Variants in AKAP11 observed in about 807,000 individuals in gnomAD.
AKAP11 encodes the protein A-kinase anchoring protein 11.
Under a neutral mutation model 146.1 loss-of-function variants are expected in AKAP11, and 36 were observed. That is an observed-to-expected ratio of 0.25 (90% CI 0.19 to 0.33). The LOEUF (loss-of-function observed/expected upper bound fraction) is 0.33, where lower values mean the gene tolerates loss of function less well. AKAP11 is among the 10% of genes least tolerant of loss of function. The pLI, the probability that AKAP11 is intolerant of heterozygous loss-of-function variation, is 1.00. For synonymous variants in AKAP11, 780 were observed against 786.5 expected (o/e 0.99, Z 0.14); for missense variants, 2,201 against 2,197.0 (o/e 1.00, Z -0.04).
At chr13:42,293,674 A>G (rs1959328744) in intron 4 of AKAP11, among the ~76,000 whole-genome samples, 1 of 152,136 alleles carries the variant, frequency 6.6e-6, no homozygotes, top group South Asian at 2.1e-4. Context: ...TCCAGCTCGG[A>G]TAGGTCGCAG....
At chr13:42,274,412 G>C (rs1320710343) in intron 1 of AKAP11, among the ~76,000 whole-genome samples, 1 of 152,186 alleles carries the variant, frequency 6.6e-6, no homozygotes, top group Non-Finnish European at 1.5e-5. Context: ...GGCCAGGCTT[G>C]GTGCCTTACA....
intron 1 of AKAP11, among the ~76,000 whole-genome samples, chr13:42,283,328 CAA>C: frequency 6.6e-6 from 1 of 152,134 alleles, no homozygotes; most frequent in Admixed American, 6.5e-5. Flanking sequence ...TAATTTCAAA[CAA>C]TGATTTGAAT....
intron 11 of AKAP11, among the ~76,000 whole-genome samples, chr13:42,314,313 C>T (rs1032291501): frequency 4.6e-5 from 7 of 151,764 alleles, no homozygotes; most frequent in Admixed American, 6.6e-5. Flanking sequence ...GGCGTGGTGG[C>T]GGGCACCTGT....
rs117141435 is a variant in AKAP11, at chr13:42,301,585, A to G, written c.2839A>G (p.Ile947Val). Residue 947 changes from isoleucine to valine, a missense_variant, in exon 8 of 13, where the codon ATT becomes GTT. Ile to Val is a conservative substitution (Grantham distance 29). This residue lies in a region of AKAP11 where 1,867 missense variants were observed against 1,833.5 expected (regional missense o/e 1.02). Transcript: ENST00000025301. ...TGCTGACCGGTTATCTAAATCTATT[A>G]TTAAACATTCCATAGATAAGAGCAA... is the stretch of plus-strand genomic sequence containing the variant. ...MFADRLSKSI[I>V]KHSIDKSKSV... 2.5e-3 allele frequency: 4,067 copies of G among 1,614,146 alleles called. 62 individuals carry two copies. In the East Asian group the frequency reaches 0.04, roughly 16 times the overall value.
At chr13:42,317,843 C>T (rs1960894742) in intron 12 of AKAP11, among the ~76,000 whole-genome samples, 155 bp downstream of exon 12, 1 of 152,162 alleles carries the variant, frequency 6.6e-6, no homozygotes, top group South Asian at 2.1e-4. Flanking sequence ...CACTTTCTAG[C>T]AGTATAACCA....
rs111918311 is a variant in AKAP11, at chr13:42,322,597, C to T, written c.*3369C>T. 6.6e-6 allele frequency: 1 copy of T among 152,348 alleles called. No homozygotes were observed. The highest frequency in any genetic ancestry group is 2.4e-5 in the African/African-American group (1 of 41,560). The allele number at this position is 152,348 out of a possible 1,614,324, so 9.4% of individuals were successfully genotyped here. ...ACTTTGCATTTAAAAACCCTGTCCACCTGTCACCAGCACAAGAGAATTAGA... is the reference window on the plus strand; with the variant it reads ...ACTTTGCATTTAAAAACCCTGTCCATCTGTCACCAGCACAAGAGAATTAGA... On this transcript the variant is annotated 3_prime_UTR_variant, in exon 13 of 13. Coordinates refer to ENST00000025301, the MANE Select transcript of AKAP11 (RefSeq NM_016248.4).
chr13:42,294,745 C>T (rs1044268287), intron 4 of AKAP11, among the ~76,000 whole-genome samples: 6 of 151,486 alleles, frequency 4.0e-5, no homozygotes. Context: ...CAAAGTAGAA[C>T]AAAGAAAATG....
At chr13:42,273,454 G>A (rs1340505986) in intron 1 of AKAP11, among the ~76,000 whole-genome samples, 1 of 151,982 alleles carries the variant, frequency 6.6e-6, no homozygotes, top group Non-Finnish European at 1.5e-5. Context: ...ACTGACCCAG[G>A]GGTGGACAGT....
At position 42,317,562 on chromosome 13, in the gene AKAP11, G is replaced by A. The variant is rs372892641; in HGVS notation, c.5439G>A (p.Thr1813=). ...LGQDGKTLLI[T]NIDMEPCTVD... is the part of the protein sequence containing the mutation. Reference sequence around the variant, plus strand: ...AAGATGGAAAGACACTGCTAATTACGAATATTGACATGGAGCCATGCACGG... The same window carrying A: ...AAGATGGAAAGACACTGCTAATTACAAATATTGACATGGAGCCATGCACGG... Residue 1813 remains threonine, a synonymous_variant, in exon 12 of 13, where the codon ACG becomes ACA. Coordinates refer to ENST00000025301, the MANE Select transcript of AKAP11 (RefSeq NM_016248.4). 2.4e-5 allele frequency: 39 copies of A among 1,613,886 alleles called. No homozygotes were observed. The highest frequency in any genetic ancestry group is 1.3e-4 in the African/African-American group (10 of 74,908).
At position 42,298,707 on chromosome 13, in the gene AKAP11, A is replaced by G; in HGVS notation, c.526A>G (p.Thr176Ala). The G allele has an allele frequency of 1.2e-6, 2 of 1,610,402 alleles. No individual in the cohort carries two copies. Among genetic ancestry groups the G allele is most frequent in the East Asian group, 2.2e-5 (1 of 44,814 alleles). ...LETTDEDDDD[T>A]NQSVSSIEDD... ...GACCACTGATGAAGATGATGATGAT[A>G]CTAACCAGTCTGTGTCATCCATAGA... Residue 176 changes from threonine to alanine, a missense_variant, in exon 7 of 13, where the codon ACT becomes GCT. Transcript: ENST00000025301.
At chr13:42,289,732 A>G (rs1030734226) in intron 3 of AKAP11, among the ~76,000 whole-genome samples, 3 of 152,068 alleles carry the variant, frequency 2.0e-5, no homozygotes, top group African/African-American at 7.2e-5. Context: ...TGCACTTACC[A>G]TGTCATGAGT....
Position 42,297,074 on chromosome 13 carries a change from T to C in AKAP11, c.243T>C (p.Leu81=). The C allele has an allele frequency of 1.3e-6, 2 of 1,591,300 alleles. No homozygotes were observed. The highest frequency in any genetic ancestry group is 8.5e-7 in the Non-Finnish European group (1 of 1,171,176). ...IQDLAAVSLE[L]PDILNSLHFC... is the part of the protein sequence containing the mutation. ...ATTTAGCTGCAGTTTCTTTGGAACTTCCAGATATTCTGAATTCACTCCACT... is the reference window on the plus strand; with the variant it reads ...ATTTAGCTGCAGTTTCTTTGGAACTCCCAGATATTCTGAATTCACTCCACT... The change falls in exon 6 of 13, where the codon CTT becomes CTC. Residue 81 remains leucine, a synonymous_variant. Transcript: ENST00000025301.
chr13:42,309,101 GA>G, intron 9 of AKAP11, among the ~76,000 whole-genome samples: 1 of 152,208 alleles, frequency 6.6e-6, no homozygotes, highest in Non-Finnish European at 1.5e-5. Context: ...TTGAATGATT[GA>G]AAATACGTAA....
intron 4 of AKAP11, among the ~76,000 whole-genome samples, chr13:42,292,843 A>C (rs1343984338): frequency 1.3e-5 from 2 of 152,212 alleles, no homozygotes; most frequent in Admixed American, 6.5e-5. Flanking sequence ...AACATAGAAC[A>C]AATGCATGAT....
intron 1 of AKAP11, among the ~76,000 whole-genome samples, chr13:42,279,779 G>A (rs1959019304): frequency 6.6e-6 from 1 of 151,976 alleles, no homozygotes; most frequent in Admixed American, 6.5e-5. Flanking sequence ...AGTTTATACT[G>A]TTGCTTGCTT....
At chr13:42,289,728 T>C (rs1401479051) in intron 3 of AKAP11, among the ~76,000 whole-genome samples, 1 of 152,174 alleles carries the variant, frequency 6.6e-6, no homozygotes, top group Non-Finnish European at 1.5e-5. Context: ...CCTTTGCACT[T>C]ACCATGTCAT....
At chr13:42,292,657 A>T (rs1425498486) in intron 4 of AKAP11, among the ~76,000 whole-genome samples, 156 bp downstream of exon 4, 2 of 152,214 alleles carry the variant, frequency 1.3e-5, no homozygotes, top group Non-Finnish European at 2.9e-5. Context: ...GAGAGGGGAA[A>T]AAAAAGAAGT....
rs775683791 is a variant in AKAP11, at chr13:42,286,343, A to G, written c.-6A>G. Reference sequence around the variant, plus strand: ...CTTCATTGATTATATACAACAAAAAATAGTTATGGCGACTTTCAGAAACAA... The same window carrying G: ...CTTCATTGATTATATACAACAAAAAGTAGTTATGGCGACTTTCAGAAACAA... On this transcript the variant is annotated 5_prime_UTR_variant, in exon 3 of 13. Coordinates refer to ENST00000025301, the MANE Select transcript of AKAP11 (RefSeq NM_016248.4). 3.1e-6 allele frequency: 5 copies of G among 1,597,646 alleles called. No individual in the cohort carries two copies. Among genetic ancestry groups the G allele is most frequent in the South Asian group, 2.3e-5 (2 of 87,678 alleles).
At chr13:42,288,475 T>C (rs1345117937) in intron 3 of AKAP11, among the ~76,000 whole-genome samples, 1 of 152,222 alleles carries the variant, frequency 6.6e-6, no homozygotes, top group Non-Finnish European at 1.5e-5. Context: ...TTCTTCACCC[T>C]GAACACTTCA....
Sources: allele counts gnomAD v4.1 joint callset (sites outside exome capture counted in the v4.1 genomes callset), GRCh38; gene constraint gnomAD v4.1.1; regional missense constraint gnomAD v4.1.1; transcripts MANE v1.5; gene names NCBI Gene and HGNC (gene_info 2026-07-23, HGNC 2026-07-21).